DRC11: variants seen among roughly 807,000 people sequenced by gnomAD.
The protein encoded by DRC11 is IQ and AAA domain-containing protein 1.
At chr2:236,351,282 T>C in the DRC11 span, among the ~76,000 whole-genome samples, 12 of 151,552 alleles carry the variant, frequency 7.9e-5, no homozygotes, top group Admixed American at 2.6e-4. This position sits in a 1 kb window ranked among gnomAD's most constrained non-coding sequence, Gnocchi z 7.3. Flanking sequence ...AGGGTGTCAG[T>C]GAGGGGCACC....
At chr2:236,356,029 C>A in the DRC11 span, among the ~76,000 whole-genome samples, 7 of 152,218 alleles carry the variant, frequency 4.6e-5, no homozygotes, top group Admixed American at 6.5e-5. Flanking sequence ...CATCGAGGGT[C>A]CCTTTTGTCC....
At chr2:236,415,304 T>G in the DRC11 span, among the ~76,000 whole-genome samples, 893 of 152,322 alleles carry the variant, frequency 5.9e-3, 3 homozygotes, top group Non-Finnish European at 9.8e-3. The surrounding 1 kb of genome is among the most constrained non-coding windows in gnomAD (Gnocchi z 5.7). Context: ...CTGGGCCCTG[T>G]GAGGGCTGGG....
At chr2:236,356,801 C>T in the DRC11 span, among the ~76,000 whole-genome samples, 4 of 151,252 alleles carry the variant, frequency 2.6e-5, no homozygotes, top group Admixed American at 1.3e-4. Flanking sequence ...GGGTGGTAGG[C>T]AACAGCCCTG....
the DRC11 span, among the ~76,000 whole-genome samples, chr2:236,474,285 T>G: frequency 2.0e-5 from 3 of 152,176 alleles, no homozygotes; most frequent in Admixed American, 6.5e-5. Flanking sequence ...CTATTCAAAC[T>G]GTATTGCTGA....
chr2:236,339,983 G>A, the DRC11 span, among the ~76,000 whole-genome samples: 8 of 152,318 alleles, frequency 5.3e-5, no homozygotes, highest in Non-Finnish European at 1.0e-4. Flanking sequence ...AGGCCAATTT[G>A]GGAATTATTA....
the DRC11 span, among the ~76,000 whole-genome samples, chr2:236,473,701 T>C: frequency 1.3e-5 from 2 of 151,736 alleles, no homozygotes; most frequent in Admixed American, 1.3e-4. This position sits in a 1 kb window ranked among gnomAD's most constrained non-coding sequence, Gnocchi z 4.8. Context: ...CCAATTAAAA[T>C]AACTGCACAT....
the DRC11 span, chr2:236,488,287 C>T: frequency 3.4e-6 from 3 of 874,536 alleles, no homozygotes; most frequent in East Asian, 5.9e-5. Context: ...CACAATCCTG[C>T]TAAGGGTCCC....
chr2:236,331,232 T>G, the DRC11 span: 1 of 694,774 alleles, frequency 1.4e-6, no homozygotes, highest in Non-Finnish European at 2.5e-6. The surrounding 1 kb of genome is among the most constrained non-coding windows in gnomAD (Gnocchi z 4.8). Context: ...TCATCCAAAA[T>G]TTCAGGTTTC....
chr2:236,324,834 G>A, the DRC11 span: 22 of 1,268,810 alleles, frequency 1.7e-5, no homozygotes, highest in African/African-American at 7.4e-5. The surrounding 1 kb of genome is among the most constrained non-coding windows in gnomAD (Gnocchi z 5.7). Flanking sequence ...CCAATTCACC[G>A]CAATACTCTT....
the DRC11 span, among the ~76,000 whole-genome samples, chr2:236,357,089 T>TCGTATATTATATATCGATATA: frequency 2.8e-4 from 16 of 56,964 alleles, no homozygotes; most frequent in Non-Finnish European, 3.6e-4. Context: ...ATCTATATAT[T>TCGTATATTATATATCGATATA]TTATATATTC....
the DRC11 span, among the ~76,000 whole-genome samples, chr2:236,435,145 G>A: frequency 9.6e-4 from 146 of 152,368 alleles, 2 homozygotes; most frequent in African/African-American, 3.1e-3. Context: ...CAGGGAGGCT[G>A]ACAGCAGGGT....
chr2:236,497,293 C>A, the DRC11 span: 1 of 1,613,792 alleles, frequency 6.2e-7, no homozygotes, highest in Non-Finnish European at 8.5e-7. This position sits in a 1 kb window ranked among gnomAD's most constrained non-coding sequence, Gnocchi z 5.1. Context: ...GATCAGTATT[C>A]GTTTCTGGGG....
At chr2:236,472,266 G>A in the DRC11 span, among the ~76,000 whole-genome samples, 3 of 152,094 alleles carry the variant, frequency 2.0e-5, no homozygotes, top group African/African-American at 4.8e-5. The surrounding 1 kb of genome is among the most constrained non-coding windows in gnomAD (Gnocchi z 4.6). Flanking sequence ...CTTTTTGCTG[G>A]TGCAACAACA....
At chr2:236,429,758 T>G in the DRC11 span, among the ~76,000 whole-genome samples, 4 of 152,042 alleles carry the variant, frequency 2.6e-5, no homozygotes, top group Non-Finnish European at 4.4e-5. This position sits in a 1 kb window ranked among gnomAD's most constrained non-coding sequence, Gnocchi z 5.9. Context: ...GCAGGAGCAG[T>G]CATGTGGCTC....
chr2:236,487,498 G>C, the DRC11 span, among the ~76,000 whole-genome samples: 1 of 151,506 alleles, frequency 6.6e-6, no homozygotes, highest in African/African-American at 2.4e-5. Flanking sequence ...AGTAACCCTA[G>C]CCTCTATTTG....
the DRC11 span, among the ~76,000 whole-genome samples, chr2:236,467,573 A>G: frequency 1.4e-4 from 21 of 152,264 alleles, no homozygotes; most frequent in Admixed American, 7.8e-4. Context: ...TGTGGTCACT[A>G]TGGCGAACAC....
chr2:236,427,811 C>T, the DRC11 span, among the ~76,000 whole-genome samples: 1 of 151,740 alleles, frequency 6.6e-6, no homozygotes, highest in Non-Finnish European at 1.5e-5. The surrounding 1 kb of genome is among the most constrained non-coding windows in gnomAD (Gnocchi z 5.9). Context: ...TTTCTAGTTC[C>T]TTGAGGCATA....
chr2:236,481,400 G>C, the DRC11 span, among the ~76,000 whole-genome samples: 4 of 152,138 alleles, frequency 2.6e-5, no homozygotes, highest in African/African-American at 9.7e-5. Context: ...AGATTGCGGG[G>C]AGGAGCACTG....
the DRC11 span, among the ~76,000 whole-genome samples, chr2:236,360,442 T>C: frequency 6.6e-6 from 1 of 152,224 alleles, no homozygotes; most frequent in Non-Finnish European, 1.5e-5. This position sits in a 1 kb window ranked among gnomAD's most constrained non-coding sequence, Gnocchi z 5.8. Flanking sequence ...ATTTTTATAT[T>C]TATGTGCTTC....
Sources: allele counts gnomAD v4.1 joint callset (sites outside exome capture counted in the v4.1 genomes callset), GRCh38; gene constraint gnomAD v4.1.1; non-coding constraint Gnocchi (gnomAD v3.1); transcripts MANE v1.5; gene names NCBI Gene and HGNC (gene_info 2026-07-23, HGNC 2026-07-21).